SPSB4: variants seen among roughly 807,000 people sequenced by gnomAD.
SPSB4 encodes the protein SPRY domain-containing SOCS box protein 4.
SPSB4 carries 21 observed loss-of-function variants against 20.9 expected under a neutral mutation model. The ratio of observed to expected loss-of-function variants is 1.01; its 90% CI spans 0.71 to 1.45. The LOEUF (loss-of-function observed/expected upper bound fraction) is 1.45. Ranked by LOEUF, SPSB4 falls within the 40% of genes most tolerant of loss-of-function variation. SPSB4 has a pLI of 0.00. For synonymous variants in SPSB4, 207 were observed against 183.8 expected (o/e 1.13, Z -1.02); for missense variants, 399 against 399.2 (o/e 1.00, Z 0.00).
chr3:141,079,573 C>T (rs1938187600), intron 2 of SPSB4, among the ~76,000 whole-genome samples: 1 of 152,146 alleles, frequency 6.6e-6, no homozygotes, highest in Admixed American at 6.5e-5. Flanking sequence ...GGCATCTATC[C>T]CTGCACCAGT....
chr3:141,131,494 C>T (rs943905924), intron 2 of SPSB4, among the ~76,000 whole-genome samples: 2 of 152,008 alleles, frequency 1.3e-5, no homozygotes, highest in Non-Finnish European at 2.9e-5. Flanking sequence ...TTCCCAACCC[C>T]CAGGAATCCC....
intron 2 of SPSB4, among the ~76,000 whole-genome samples, chr3:141,084,994 A>G (rs1938313819): frequency 6.6e-6 from 1 of 152,150 alleles, no homozygotes; most frequent in Non-Finnish European, 1.5e-5. Flanking sequence ...CACTGTGGGA[A>G]CTCAAGATGG....
chr3:141,053,932 T>C (rs2107772966), intron 1 of SPSB4, among the ~76,000 whole-genome samples: 1 of 152,250 alleles, frequency 6.6e-6, no homozygotes, highest in East Asian at 1.9e-4. Context: ...TCTCCCCCAC[T>C]ACCCACCCTC....
chr3:141,146,691 G>A (rs1939417657), intron 2 of SPSB4, among the ~76,000 whole-genome samples: 1 of 151,592 alleles, frequency 6.6e-6, no homozygotes. Flanking sequence ...GGAGAATGGC[G>A]TGAACCCAGG....
At chr3:141,112,341 C>T (rs1366492227) in intron 2 of SPSB4, among the ~76,000 whole-genome samples, 1 of 152,170 alleles carries the variant, frequency 6.6e-6, no homozygotes, top group African/African-American at 2.4e-5. Flanking sequence ...AGTACCTGGG[C>T]CTTCTATCAA....
At chr3:141,080,870 T>A (rs953340677) in intron 2 of SPSB4, among the ~76,000 whole-genome samples, 1 of 152,174 alleles carries the variant, frequency 6.6e-6, no homozygotes, top group Admixed American at 6.5e-5. Flanking sequence ...GGTGTGGGAT[T>A]ATAAAAGGCA....
intron 2 of SPSB4, among the ~76,000 whole-genome samples, chr3:141,117,827 A>T (rs1341612991): frequency 6.6e-6 from 1 of 152,260 alleles, no homozygotes; most frequent in Non-Finnish European, 1.5e-5. Context: ...TGCAAAGGAC[A>T]TTAACTCATC....
intron 2 of SPSB4, among the ~76,000 whole-genome samples, chr3:141,127,668 G>A (rs1559855068): frequency 2.0e-5 from 3 of 152,108 alleles, no homozygotes; most frequent in Admixed American, 6.5e-5. Flanking sequence ...AACGTCAACC[G>A]GTGGAGAGGA....
At chr3:141,108,404 C>G (rs1938734750) in intron 2 of SPSB4, among the ~76,000 whole-genome samples, 1 of 152,208 alleles carries the variant, frequency 6.6e-6, no homozygotes, top group Non-Finnish European at 1.5e-5. Flanking sequence ...GTATTTTGCT[C>G]AAACTAATGT....
intron 2 of SPSB4, among the ~76,000 whole-genome samples, chr3:141,112,702 G>T (rs1449834026): frequency 1.3e-5 from 2 of 148,946 alleles, no homozygotes; most frequent in Non-Finnish European, 3.0e-5. Context: ...TAAATTCATG[G>T]ATTTTCCCTC....
chr3:141,108,645 G>A (rs548807494), intron 2 of SPSB4, among the ~76,000 whole-genome samples: 5 of 152,298 alleles, frequency 3.3e-5, no homozygotes, highest in East Asian at 1.9e-4. Context: ...CTAGTTTATC[G>A]GGTAGCCACA....
intron 2 of SPSB4, among the ~76,000 whole-genome samples, chr3:141,082,237 C>T (rs1052688611): frequency 6.6e-6 from 1 of 152,196 alleles, no homozygotes; most frequent in Admixed American, 6.5e-5. Flanking sequence ...GGGCAGAGGT[C>T]AAAAGCCAGA....
At chr3:141,130,066 A>T (rs1226874413) in intron 2 of SPSB4, among the ~76,000 whole-genome samples, 1 of 152,166 alleles carries the variant, frequency 6.6e-6, no homozygotes, top group Non-Finnish European at 1.5e-5. Context: ...TGCTTCCTAG[A>T]TGGGAGCTGA....
Position 141,066,055 on chromosome 3 carries a change from C to T in SPSB4, c.-50C>T. On this transcript the variant is annotated 5_prime_UTR_variant, in exon 2 of 3. Transcript: ENST00000310546. Reference sequence around the variant, plus strand: ...CATTCCTGGCTACGGGGAGTGGAGGCTCCCACGAGGTAGCGGTGGCCTGCA... The same window carrying T: ...CATTCCTGGCTACGGGGAGTGGAGGTTCCCACGAGGTAGCGGTGGCCTGCA... 2 of 1,431,058 alleles carry T rather than the reference C, an allele frequency of 1.4e-6. No homozygotes were observed. The highest frequency in any genetic ancestry group is 1.8e-6 in the Non-Finnish European group (2 of 1,096,096). 88.6% of individuals were successfully genotyped at this position (1,431,058 alleles called of 1,614,324 possible).
intron 2 of SPSB4, among the ~76,000 whole-genome samples, chr3:141,094,674 C>T (rs1471280715): frequency 6.6e-6 from 1 of 152,062 alleles, no homozygotes; most frequent in Admixed American, 6.5e-5. Context: ...GTGGAAACCA[C>T]GTTATTGCAC....
intron 2 of SPSB4, among the ~76,000 whole-genome samples, chr3:141,093,500 G>C (rs556653103): frequency 9.2e-5 from 14 of 151,980 alleles, no homozygotes; most frequent in Non-Finnish European, 1.9e-4. Flanking sequence ...GCCATACCGA[G>C]GTGTAATGCA....
chr3:141,058,806 A>C (rs1481046000), intron 1 of SPSB4, among the ~76,000 whole-genome samples: 5 of 152,218 alleles, frequency 3.3e-5, no homozygotes, highest in Non-Finnish European at 7.3e-5. Context: ...GATACAGCCA[A>C]GAGTCAGCTG....
intron 2 of SPSB4, among the ~76,000 whole-genome samples, chr3:141,111,326 C>T (rs1247742604): frequency 2.2e-5 from 3 of 139,410 alleles, no homozygotes; most frequent in East Asian, 2.1e-4. Context: ...ATAGCATATG[C>T]AACCTAATTA....
At chr3:141,144,873 A>T (rs900914467) in intron 2 of SPSB4, among the ~76,000 whole-genome samples, 1 of 152,196 alleles carries the variant, frequency 6.6e-6, no homozygotes, top group African/African-American at 2.4e-5. Flanking sequence ...TGATAAGAAA[A>T]TCTCTTAAGG....
Sources: gnomAD v4.1 joint callset for allele counts (sites outside exome capture counted in the v4.1 genomes callset) on GRCh38, gnomAD v4.1.1 for gene constraint, MANE v1.5 for transcripts, NCBI Gene and HGNC (gene_info 2026-07-23, HGNC 2026-07-21) for gene names.